CSTL1: variants seen among roughly 807,000 people sequenced by gnomAD.
CSTL1 encodes the protein cystatin-like 1.
A neutral mutation model predicts 14.4 loss-of-function variants in CSTL1; 14 were observed. The observed-to-expected ratio is 0.97, with a 90% confidence interval of 0.64 to 1.52. The LOEUF is 1.52. Ranked by LOEUF, CSTL1 falls within the 40% of genes most tolerant of loss-of-function variation. The pLI is 0.00. For synonymous variants in CSTL1, 72 were observed against 67.5 expected, an observed-to-expected ratio of 1.07 and a Z score of -0.33; for missense variants, 170 against 168.7, an observed-to-expected ratio of 1.01 and a Z score of -0.04.
At chr20:23,442,028 T>C (rs1269496708) in intron 2 of CSTL1, among the ~76,000 whole-genome samples, 2 of 152,270 alleles carry the variant, frequency 1.3e-5, no homozygotes, top group Non-Finnish European at 2.9e-5. Context: ...GTTGCCCATT[T>C]GGTTCTTGGT....
rs76182203 is a variant in CSTL1, at chr20:23,444,852, G to A, written c.412G>A (p.Glu138Lys). Residue 138 changes from glutamate to lysine, a missense_variant, in exon 4 of 4, where the codon GAG becomes AAG. Glu to Lys is a moderately conservative substitution (Grantham distance 56). Transcript: ENST00000347397. ...CTGGAACAATTCCTGTCTGGAGGCC[G>A]AGCATGTGGGCAGAAACCTCAGATG... is the stretch of plus-strand genomic sequence containing the variant. The part of the protein sequence containing the change: ...QLWNNSCLEA[E>K]HVGRNLR 29 of 1,613,272 alleles carry A rather than the reference G, an allele frequency of 1.8e-5. No individual in the cohort carries two copies. The highest frequency in any genetic ancestry group is 8.8e-5 in the South Asian group (8 of 91,052).
the CSTL1 span, chr20:23,450,512 AC>A: frequency 3.7e-6 from 6 of 1,610,054 alleles, no homozygotes; most frequent in African/African-American, 8.0e-5. Flanking sequence ...ACACCTAGTC[AC>A]TGCTGCAGCT....
chr20:23,449,237 C>T (rs1987024735), downstream of CSTL1, among the ~76,000 whole-genome samples: 1 of 152,152 alleles, frequency 6.6e-6, no homozygotes, highest in African/African-American at 2.4e-5. Flanking sequence ...TTTATTTGTG[C>T]ACCGTCTCTG....
chr20:23,451,942 G>C, the CSTL1 span: 1 of 1,568,254 alleles, frequency 6.4e-7, no homozygotes, highest in Non-Finnish European at 8.8e-7. Context: ...AGGCGTGGGG[G>C]AGGCACAGCT....
chr20:23,448,055 A>G (rs952203456), downstream of CSTL1, among the ~76,000 whole-genome samples: 1 of 151,406 alleles, frequency 6.6e-6, no homozygotes, highest in African/African-American at 2.4e-5. Context: ...TTTTATTTCA[A>G]TGGGTTTTTG....
At chr20:23,447,528 G>T (rs1229116442), downstream of CSTL1, among the ~76,000 whole-genome samples, 1 of 151,336 alleles carries the variant, frequency 6.6e-6, no homozygotes, top group Non-Finnish European at 1.5e-5. Context: ...CAGTGCAGTG[G>T]CACGATCTTG....
chr20:23,451,964 C>T, the CSTL1 span: 1 of 1,471,580 alleles, frequency 6.8e-7, no homozygotes, highest in African/African-American at 1.4e-5. Flanking sequence ...GTCCCCTTCT[C>T]CCCTGTCTGC....
chr20:23,446,413 G>A (rs1439319535), downstream of CSTL1, among the ~76,000 whole-genome samples: 1 of 152,052 alleles, frequency 6.6e-6, no homozygotes, highest in Non-Finnish European at 1.5e-5. Flanking sequence ...GCACTGCCAC[G>A]CCCAGCTAAT....
At chr20:23,455,455 A>T in the CSTL1 span, among the ~76,000 whole-genome samples, 10 of 152,196 alleles carry the variant, frequency 6.6e-5, no homozygotes, top group Admixed American at 6.5e-4. Context: ...TATTTACTAC[A>T]TGTCTCCGGC....
the CSTL1 span, chr20:23,452,730 T>G: frequency 1.9e-6 from 3 of 1,614,208 alleles, no homozygotes; most frequent in Middle Eastern, 1.6e-4. Context: ...AAGGTTTTCT[T>G]CCTTGCTTGG....
At chr20:23,457,054 G>A in the CSTL1 span, among the ~76,000 whole-genome samples, 1 of 152,320 alleles carries the variant, frequency 6.6e-6, no homozygotes, top group Admixed American at 6.5e-5. Context: ...CATCTCGGGT[G>A]GGGTGTTATT....
At chr20:23,453,486 G>T in the CSTL1 span, among the ~76,000 whole-genome samples, 13 of 152,236 alleles carry the variant, frequency 8.5e-5, no homozygotes, top group African/African-American at 2.9e-4. Context: ...GGAGCTTTCT[G>T]GTTGGACATT....
the CSTL1 span, chr20:23,450,538 T>G: frequency 6.2e-7 from 1 of 1,612,476 alleles, no homozygotes; most frequent in East Asian, 2.2e-5. Flanking sequence ...TTCAAAATTT[T>G]GTACTGTTCA....
the CSTL1 span, chr20:23,459,041 T>G: frequency 6.6e-6 from 1 of 152,276 alleles, no homozygotes; most frequent in Non-Finnish European, 1.5e-5. Flanking sequence ...TGAGCACTCT[T>G]GTCCTTCTCT....
rs16985357 is a variant in CSTL1, at chr20:23,440,452, A to G, written c.185A>G (p.Tyr62Cys). The stretch of plus-strand genomic sequence containing the variant: ...AATGCCAGCAACGACACCTACTTAT[A>G]TCGAGTCCAGAGGCTAATTCGAAGT... ...YNNASNDTYL[Y>C]RVQRLIRSQM... The change falls in exon 2 of 4, where the codon TAT becomes TGT. Residue 62 changes from tyrosine (Y) to cysteine (C), a missense_variant. Transcript: ENST00000347397. 2 of 1,614,040 alleles carry G rather than the reference A, an allele frequency of 1.2e-6. No homozygotes were observed.
the CSTL1 span, among the ~76,000 whole-genome samples, chr20:23,453,087 G>T: frequency 3.4e-3 from 524 of 152,140 alleles, 1 homozygote; most frequent in African/African-American, 0.012. Context: ...CAACACACAG[G>T]CTTCTGTGGA....
chr20:23,446,257 T>C (rs890021792), downstream of CSTL1, among the ~76,000 whole-genome samples: 2 of 151,488 alleles, frequency 1.3e-5, no homozygotes, highest in African/African-American at 2.4e-5. Context: ...TTCTTTCTTT[T>C]TTTTTTTTCT....
chr20:23,444,126 C>T, intron 3 of CSTL1, 82 bp downstream of exon 3: 2 of 1,295,042 alleles, frequency 1.5e-6, no homozygotes, highest in Non-Finnish European at 2.2e-6. Context: ...AGTTTTGCCA[C>T]TTGTGTGGAT....
intron 2 of CSTL1, chr20:23,442,144 C>A (rs551051050): frequency 1.3e-5 from 2 of 152,452 alleles, no homozygotes; most frequent in South Asian, 4.1e-4. Flanking sequence ...ATGTCATTCA[C>A]ATTGATAAGC....
Sources: gnomAD v4.1 joint callset for allele counts (sites outside exome capture counted in the v4.1 genomes callset) on GRCh38, gnomAD v4.1.1 for gene constraint, MANE v1.5 for transcripts, NCBI Gene and HGNC (gene_info 2026-07-23, HGNC 2026-07-21) for gene names.